The following DSCAM variants were observed in gnomAD, a reference collection of about 807,000 sequenced individuals.
DSCAM encodes the protein DS cell adhesion molecule.
Under a neutral mutation model 217.7 loss-of-function variants are expected in DSCAM, and 47 were observed. The ratio of observed to expected loss-of-function variants is 0.22; its 90% CI spans 0.17 to 0.28. The LOEUF (loss-of-function observed/expected upper bound fraction) is 0.28, where lower values mean the gene tolerates loss of function less well. Among genes scored for constraint, DSCAM ranks in the 10% least tolerant of loss-of-function variants. The pLI is 1.00. For synonymous variants in DSCAM, 1,056 were observed against 1,015.3 expected (o/e 1.04, Z -0.76); for missense variants, 2,080 against 2,618.3 (o/e 0.79, Z 4.49).
chr21:40,097,249 G>A (rs1289126883), intron 20 of DSCAM, among the ~76,000 whole-genome samples: 1 of 152,048 alleles, frequency 6.6e-6, no homozygotes, highest in Non-Finnish European at 1.5e-5. Flanking sequence ...TAGCACAAAT[G>A]TTGGGAGGAA....
intron 9 of DSCAM, among the ~76,000 whole-genome samples, chr21:40,298,913 G>T (rs1175898650): frequency 6.6e-6 from 1 of 152,116 alleles, no homozygotes; most frequent in African/African-American, 2.4e-5. Flanking sequence ...GTGTATATGA[G>T]AAACAACCAT....
intron 4 of DSCAM, among the ~76,000 whole-genome samples, chr21:40,360,451 T>A (rs2074749787): frequency 6.6e-6 from 1 of 152,054 alleles, no homozygotes; most frequent in Non-Finnish European, 1.5e-5. Flanking sequence ...GGTAGCTTTT[T>A]AACCTAAACT....
intron 3 of DSCAM, among the ~76,000 whole-genome samples, chr21:40,437,741 C>T (rs1389798057): frequency 6.6e-6 from 1 of 152,216 alleles, no homozygotes; most frequent in East Asian, 1.9e-4. Flanking sequence ...ATCCCAGCTA[C>T]TCGGGAGGCT....
At chr21:40,258,041 GT>G (rs2073398261) in intron 11 of DSCAM, among the ~76,000 whole-genome samples, 1 of 152,148 alleles carries the variant, frequency 6.6e-6, no homozygotes, top group African/African-American at 2.4e-5. Context: ...CTTTCTGACT[GT>G]TTTGTTTCCA....
intron 3 of DSCAM, among the ~76,000 whole-genome samples, chr21:40,652,163 G>C (rs2090021603): frequency 8.7e-6 from 1 of 115,140 alleles, no homozygotes; most frequent in Non-Finnish European, 1.8e-5. Flanking sequence ...AAGGGTGGGG[G>C]TGGAGGGAAG....
intron 3 of DSCAM, among the ~76,000 whole-genome samples, chr21:40,429,278 T>G (rs995184575): frequency 6.6e-6 from 1 of 152,108 alleles, no homozygotes; most frequent in African/African-American, 2.4e-5. Context: ...TGCTTTTTTT[T>G]TTTTGGAGAC....
chr21:40,340,878 G>A (rs1288558352), intron 6 of DSCAM, among the ~76,000 whole-genome samples: 1 of 152,186 alleles, frequency 6.6e-6, no homozygotes, highest in Non-Finnish European at 1.5e-5. Flanking sequence ...TGAGGAAAGT[G>A]CCACTCATTC....
intron 5 of DSCAM, among the ~76,000 whole-genome samples, chr21:40,349,461 T>C (rs983106073): frequency 1.3e-5 from 2 of 152,262 alleles, no homozygotes. Context: ...CTTAATCCAA[T>C]GTAGAAAACA....
chr21:40,728,093 G>A (rs909233126), intron 1 of DSCAM, among the ~76,000 whole-genome samples: 5 of 152,062 alleles, frequency 3.3e-5, no homozygotes, highest in South Asian at 2.1e-4. Context: ...CTACTGCAGC[G>A]CCCCCTCCGA....
At chr21:40,593,318 CTCT>C (rs1299204278) in intron 3 of DSCAM, among the ~76,000 whole-genome samples, 1 of 87,702 alleles carries the variant, frequency 1.1e-5, no homozygotes, top group African/African-American at 4.8e-5. Flanking sequence ...CATGATGTTT[CTCT>C]TTTTTTTTTT....
chr21:40,196,120 T>C (rs1049570427), intron 11 of DSCAM, among the ~76,000 whole-genome samples: 1 of 152,222 alleles, frequency 6.6e-6, no homozygotes, highest in African/African-American at 2.4e-5. Flanking sequence ...GGCCTCCTGG[T>C]GTCCCAGGTA....
chr21:40,476,741 G>T (rs904736283), intron 3 of DSCAM, among the ~76,000 whole-genome samples: 6 of 152,000 alleles, frequency 3.9e-5, no homozygotes, highest in Non-Finnish European at 8.8e-5. Flanking sequence ...TGATGGGAAG[G>T]GCTCAAAAAT....
intron 20 of DSCAM, among the ~76,000 whole-genome samples, chr21:40,123,423 C>A (rs1354432543): frequency 6.6e-6 from 1 of 152,172 alleles, no homozygotes; most frequent in African/African-American, 2.4e-5. Flanking sequence ...AGACATGGCA[C>A]CTGCTGCAGA....
chr21:40,369,261 A>G lies in DSCAM; in HGVS notation c.509-16T>C. 1 of 1,603,886 alleles carries G rather than the reference A, an allele frequency of 6.2e-7. No individual in the cohort carries two copies. ...AATCTAGATCCTGAAATAGAGGAAA[A>G]CAGTGGCTTGGTTAAAAGACAATGA... is the stretch of plus-strand genomic sequence containing the variant. On this transcript the variant is annotated splice_polypyrimidine_tract_variant and intron_variant, in intron 3 of 32. Transcript: ENST00000400454.
rs1374375102 is a variant in DSCAM at position 40,692,869 on chromosome 21, G to A, written c.449C>T (p.Ser150Leu). 30 of 1,613,872 alleles carry A rather than the reference G, an allele frequency of 1.9e-5. No homozygotes were observed. The highest frequency in any genetic ancestry group is 1.6e-4 in the Middle Eastern group (1 of 6,078). ...GACGACAGTGATGTACGCCTCCACC[G>A]AGGAGGGGATAATGCACTTGAAGAC... The part of the protein sequence containing the change: ...VAVFKCIIPS[S>L]VEAYITVVSW... The change falls in exon 3 of 33, where the codon TCG becomes TTG. Residue 150 changes from serine (S) to leucine (L), a missense_variant. Physicochemically the swap from Ser to Leu is moderately radical, Grantham distance 145. Coordinates refer to ENST00000400454, the MANE Select transcript of DSCAM (RefSeq NM_001389.5).
At chr21:40,562,502 C>G (rs1037991362) in intron 3 of DSCAM, among the ~76,000 whole-genome samples, 4 of 152,186 alleles carry the variant, frequency 2.6e-5, no homozygotes, top group African/African-American at 9.6e-5. Context: ...ACACACCACT[C>G]ACTCAGAGAA....
chr21:40,271,922 A>G lies in DSCAM; in HGVS notation c.2356+4175T>C, dbSNP rs541135992. 6.6e-5 allele frequency among the ~76,000 whole-genome samples: 10 copies of G among 152,272 alleles called. No homozygotes were observed. The East Asian group carries it at 1.5e-3, about 24-fold the overall frequency. On this transcript the variant is annotated intron_variant, in intron 11 of 32. Transcript: ENST00000400454. ...TTATGTGAAAGCTGTGTGCTTCTCA[A>G]TATCTCATCCTTTCCCCTTTAAATT...
intron 3 of DSCAM, among the ~76,000 whole-genome samples, chr21:40,637,608 T>TAC: frequency 2.0e-5 from 1 of 49,298 alleles, no homozygotes; most frequent in Non-Finnish European, 3.8e-5. Flanking sequence ...TATATATAAA[T>TAC]ATATATAAAT....
intron 9 of DSCAM, among the ~76,000 whole-genome samples, chr21:40,303,694 A>G (rs1218303733): frequency 6.6e-6 from 1 of 152,156 alleles, no homozygotes; most frequent in Non-Finnish European, 1.5e-5. Context: ...GAATGAATGA[A>G]TGAAGTAAAA....
Sources: allele counts gnomAD v4.1 joint callset (sites outside exome capture counted in the v4.1 genomes callset), GRCh38; gene constraint gnomAD v4.1.1; transcripts MANE v1.5; gene names NCBI Gene and HGNC (gene_info 2026-07-23, HGNC 2026-07-21).